The following GOLPH3 variants were observed in gnomAD, a reference collection of about 807,000 sequenced individuals.
GOLPH3 encodes coat protein GPP34.
A neutral mutation model predicts 28.5 loss-of-function variants in GOLPH3; 14 were observed. That is an observed-to-expected ratio of 0.49 (90% CI 0.32 to 0.77). The LOEUF is 0.77. Among genes scored for constraint, GOLPH3 ranks in the 30% least tolerant of loss-of-function variants. The pLI is 0.03. For synonymous variants in GOLPH3, 158 were observed against 159.2 expected (o/e 0.99, Z 0.06); for missense variants, 350 against 393.7 (o/e 0.89, Z 0.94).
intron 2 of GOLPH3, among the ~76,000 whole-genome samples, chr5:32,143,116 T>C (rs1746117487): frequency 6.6e-6 from 1 of 152,264 alleles, no homozygotes; most frequent in Admixed American, 6.5e-5. Context: ...AGAAAAATTC[T>C]TCTGCCTTGG....
chr5:32,151,346 G>A lies in GOLPH3; in HGVS notation c.226-7466C>T, dbSNP rs184736825. Reference sequence around the variant, plus strand: ...TTTCAGACCAGCCTGGTAACACAGCGAGAGCTGTCTCTACAAAAAATGTTT... The same window carrying A: ...TTTCAGACCAGCCTGGTAACACAGCAAGAGCTGTCTCTACAAAAAATGTTT... On this transcript the variant is annotated intron_variant, in intron 1 of 3. Transcript: ENST00000265070. Among the ~76,000 whole-genome samples, 50 of 151,946 alleles carry A rather than the reference G, an allele frequency of 3.3e-4. No homozygotes were observed. In the East Asian group the frequency reaches 7.5e-3, roughly 23 times the overall value.
intron 3 of GOLPH3, among the ~76,000 whole-genome samples, chr5:32,130,619 A>G (rs1745807218): frequency 6.6e-6 from 1 of 152,194 alleles, no homozygotes; most frequent in South Asian, 2.1e-4. Context: ...CAAACAACAG[A>G]GGGGAAAAAA....
At chr5:32,151,218 C>CT (rs34927671) in intron 1 of GOLPH3, among the ~76,000 whole-genome samples, 27,682 of 135,202 alleles carry the variant, frequency 0.2, 2,789 homozygotes, top group Non-Finnish European at 0.25. Flanking sequence ...AATAAAGTTG[C>CT]TTTTTTTTTT....
intron 1 of GOLPH3, among the ~76,000 whole-genome samples, chr5:32,173,040 T>C (rs1238448554): frequency 6.6e-6 from 1 of 152,178 alleles, no homozygotes; most frequent in Non-Finnish European, 1.5e-5. Context: ...AAGAATTATC[T>C]ATTGCAACTT....
chr5:32,164,550 C>A (rs561813698), intron 1 of GOLPH3, among the ~76,000 whole-genome samples: 3 of 151,708 alleles, frequency 2.0e-5, no homozygotes, highest in East Asian at 1.9e-4. Context: ...CCCGCCAGCA[C>A]GCCAAGCTAA....
At chr5:32,168,419 C>T (rs1746760631) in intron 1 of GOLPH3, among the ~76,000 whole-genome samples, 1 of 152,130 alleles carries the variant, frequency 6.6e-6, no homozygotes, top group African/African-American at 2.4e-5. Context: ...TATTTTACCC[C>T]ATTACATATT....
rs970598269 is a variant in GOLPH3, at chr5:32,141,954, C to A, written c.357+1795G>T. Among the ~76,000 whole-genome samples the A allele has an allele frequency of 5.3e-5, 8 of 152,156 alleles. No homozygotes were observed. The South Asian group carries it at 1.5e-3, about 28-fold the overall frequency. ...GCAGTGGCGTGATCTCGGCTCGCTA[C>A]AACCTCCACCTCCCAGCAGCCTGCC... On this transcript the variant is annotated intron_variant, in intron 2 of 3. Transcript: ENST00000265070.
intron 1 of GOLPH3, among the ~76,000 whole-genome samples, chr5:32,151,484 G>A (rs1246247416): frequency 2.0e-5 from 3 of 152,074 alleles, no homozygotes; most frequent in Non-Finnish European, 2.9e-5. Context: ...CACTCTAACC[G>A]GGTGACAAAG....
chr5:32,146,208 T>C (rs1280033620), intron 1 of GOLPH3, among the ~76,000 whole-genome samples: 1 of 151,656 alleles, frequency 6.6e-6, no homozygotes, highest in Non-Finnish European at 1.5e-5. Flanking sequence ...GAGAATCACC[T>C]GAGCTCAGGA....
intron 1 of GOLPH3, among the ~76,000 whole-genome samples, chr5:32,162,667 T>C (rs1050951555): frequency 6.6e-6 from 1 of 152,194 alleles, no homozygotes; most frequent in African/African-American, 2.4e-5. Context: ...TTTAACTTAC[T>C]TCTCTAGGCT....
At chr5:32,134,446 A>T (rs980536627) in intron 3 of GOLPH3, among the ~76,000 whole-genome samples, 1 of 151,366 alleles carries the variant, frequency 6.6e-6, no homozygotes, top group African/African-American at 2.4e-5. Context: ...TGAGCTCAGG[A>T]GATTCACCCG....
rs1746915880 is a variant in GOLPH3, at chr5:32,173,990, G to A, written c.45C>T (p.Arg15=). The A allele has an allele frequency of 2.2e-6, 3 of 1,364,676 alleles. No individual in the cohort carries two copies. The highest frequency in any genetic ancestry group is 1.8e-5 in the South Asian group (1 of 55,882). 84.5% of individuals were successfully genotyped at this position (1,364,676 alleles called of 1,614,324 possible). Residue 15 remains arginine (R), a synonymous_variant, in exon 1 of 4, where the codon CGC becomes CGT. Transcript: ENST00000265070. ...CGGCGGCGTTGCGGGAGGCCTCGGT[G>A]CGCCGCTGCACCAGGCCGGAGCTGC... ...TQRSSGLVQR[R]TEASRNAADK...
chr5:32,128,755 A>C (rs1745753723), intron 3 of GOLPH3, among the ~76,000 whole-genome samples: 2 of 152,146 alleles, frequency 1.3e-5, no homozygotes, highest in Non-Finnish European at 2.9e-5. Context: ...CTTTAAAGAA[A>C]GACCATAAAA....
At chr5:32,143,652 T>A in intron 2 of GOLPH3, 97 bp downstream of exon 2, 1 of 1,089,220 alleles carries the variant, frequency 9.2e-7, no homozygotes, top group Non-Finnish European at 1.3e-6. Context: ...AACTTTAATA[T>A]CAACTTCCAC....
intron 1 of GOLPH3, among the ~76,000 whole-genome samples, chr5:32,151,633 T>C (rs1236393471): frequency 6.6e-6 from 1 of 152,150 alleles, no homozygotes; most frequent in Admixed American, 6.6e-5. Flanking sequence ...AAAATATACA[T>C]TTAAAATACA....
At chr5:32,145,619 G>A (rs1746168271) in intron 1 of GOLPH3, among the ~76,000 whole-genome samples, 2 of 152,176 alleles carry the variant, frequency 1.3e-5, no homozygotes, top group South Asian at 2.1e-4. Context: ...CCTACAGCCT[G>A]CAAACTCCAG....
chr5:32,141,590 T>G (rs1746060626), intron 2 of GOLPH3, among the ~76,000 whole-genome samples: 1 of 152,008 alleles, frequency 6.6e-6, no homozygotes, highest in Admixed American at 6.6e-5. Flanking sequence ...TCCCTCTCCC[T>G]CTCCCTCTCC....
chr5:32,156,347 T>C (rs767562822), intron 1 of GOLPH3, among the ~76,000 whole-genome samples: 16 of 151,686 alleles, frequency 1.1e-4, no homozygotes, highest in African/African-American at 1.7e-4. Context: ...CTAGTAAAAA[T>C]AGAAAATGAG....
intron 1 of GOLPH3, among the ~76,000 whole-genome samples, chr5:32,158,725 T>C (rs907370822): frequency 1.3e-5 from 2 of 152,150 alleles, no homozygotes; most frequent in Admixed American, 1.3e-4. Flanking sequence ...GTACTCTCAC[T>C]TATTTTCAAA....
Sources: allele counts gnomAD v4.1 joint callset (sites outside exome capture counted in the v4.1 genomes callset), GRCh38; gene constraint gnomAD v4.1.1; transcripts MANE v1.5; gene names NCBI Gene and HGNC (gene_info 2026-07-23, HGNC 2026-07-21).